The following DOCK5 variants were observed in gnomAD, a reference collection of about 807,000 sequenced individuals.
DOCK5 encodes the protein dedicator of cytokinesis protein 5.
DOCK5 carries 142 observed loss-of-function variants against 251.8 expected under a neutral mutation model. The observed-to-expected ratio is 0.56, with a 90% CI of 0.49 to 0.65. The LOEUF is 0.65. DOCK5 is among the 30% of genes least tolerant of loss of function. The pLI, the probability that DOCK5 is intolerant of heterozygous loss-of-function variation, is 0.00. For synonymous variants in DOCK5, 842 were observed against 835.5 expected, an observed-to-expected ratio of 1.01 and a Z score of -0.13; for missense variants, 2,111 against 2,312.3, an observed-to-expected ratio of 0.91 and a Z score of 1.79.
At chr8:25,290,055 G>T (rs1005164674) in intron 5 of DOCK5, among the ~76,000 whole-genome samples, 1 of 151,788 alleles carries the variant, frequency 6.6e-6, no homozygotes, top group Admixed American at 6.6e-5. Context: ...TCTCATGTGT[G>T]TATATATATT....
At chr8:25,228,031 T>C (rs7841924) in intron 1 of DOCK5, among the ~76,000 whole-genome samples, 13,021 of 152,038 alleles carry the variant, frequency 0.086, 1,515 homozygotes, top group African/African-American at 0.27. Context: ...ACCACAGACA[T>C]GCACCACCAC....
chr8:25,411,277 T>C lies in DOCK5; in HGVS notation c.5592T>C (p.Thr1864=), dbSNP rs1265100924. The C allele has an allele frequency of 6.4e-7, 1 of 1,565,710 alleles. No individual in the cohort carries two copies. ...PPKARKSGIP[T]SEPGSQ ...AGGCTCGGAAGTCTGGCATCCCTAC[T>C]TCCGAGCCTGGATCCCAGTAAGGAT... is the stretch of plus-strand genomic sequence containing the variant. Residue 1864 remains threonine, a synonymous_variant, in exon 52 of 52, where the codon ACT becomes ACC. Coordinates refer to ENST00000276440, the MANE Select transcript of DOCK5 (RefSeq NM_024940.8).
intron 26 of DOCK5, 159 bp from the exon 27 acceptor site, chr8:25,351,572 A>G (rs1458511083): frequency 1.7e-6 from 1 of 598,918 alleles, no homozygotes; most frequent in South Asian, 2.0e-5. Context: ...ATAAAGTTAT[A>G]TATTATTCTG....
chr8:25,270,157 C>T (rs2117117287), intron 3 of DOCK5, among the ~76,000 whole-genome samples: 1 of 152,266 alleles, frequency 6.6e-6, no homozygotes, highest in East Asian at 1.9e-4. Context: ...GTCCTTTTTT[C>T]TCACCTCAAG....
intron 1 of DOCK5, among the ~76,000 whole-genome samples, chr8:25,241,015 C>T (rs1164790842): frequency 6.6e-6 from 1 of 152,226 alleles, no homozygotes; most frequent in African/African-American, 2.4e-5. Flanking sequence ...GTGTGTCTCT[C>T]AGCTCTCTCT....
At chr8:25,324,290 T>C (rs530595147) in intron 17 of DOCK5, among the ~76,000 whole-genome samples, 6 of 152,312 alleles carry the variant, frequency 3.9e-5, no homozygotes. Flanking sequence ...GCATGGCACA[T>C]GGACAGGTGC....
At chr8:25,218,197 A>G (rs1802297291) in intron 1 of DOCK5, among the ~76,000 whole-genome samples, 1 of 152,152 alleles carries the variant, frequency 6.6e-6, no homozygotes, top group Non-Finnish European at 1.5e-5. Flanking sequence ...CTTCTATGAA[A>G]GTTAAACTTT....
At chr8:25,381,750 A>G (rs1172721868) in intron 39 of DOCK5, among the ~76,000 whole-genome samples, 3 of 152,204 alleles carry the variant, frequency 2.0e-5, no homozygotes, top group African/African-American at 4.8e-5. Flanking sequence ...GAGTAATGGC[A>G]TGCTAACCAT....
intron 13 of DOCK5, among the ~76,000 whole-genome samples, chr8:25,312,583 T>C (rs1410656448): frequency 1.3e-5 from 2 of 151,924 alleles, no homozygotes; most frequent in Non-Finnish European, 2.9e-5. Context: ...GCCAACATGG[T>C]GAAACCCCAT....
At chr8:25,354,635 G>A (rs1800535744) in intron 27 of DOCK5, among the ~76,000 whole-genome samples, 1 of 151,886 alleles carries the variant, frequency 6.6e-6, no homozygotes, top group Non-Finnish European at 1.5e-5. Context: ...AGCATAAGAA[G>A]GAAAAAAAGT....
intron 49 of DOCK5, 42 bp from the exon 50 acceptor site, chr8:25,408,758 CTT>C: frequency 6.2e-7 from 1 of 1,608,578 alleles, no homozygotes; most frequent in Non-Finnish European, 8.5e-7. Flanking sequence ...TGAGCTCAGC[CTT>C]CCTCACCGTG....
In DOCK5 at chr8:25,302,495, G is replaced by A. The variant is rs754719147; in HGVS notation, c.976+41G>A. On this transcript the variant is annotated intron_variant, in intron 10 of 51. Coordinates refer to ENST00000276440, the MANE Select transcript of DOCK5 (RefSeq NM_024940.8). ...AGAGACAAATGTGAAATAGTGCAGT[G>A]CTGTGGAAAATAGCATGGCGATTTC... 6 of 1,474,788 alleles carry A rather than the reference G, an allele frequency of 4.1e-6. No homozygotes were observed. The South Asian group carries it at 8.0e-5, about 20-fold the overall frequency. 91.4% of individuals were successfully genotyped at this position (1,474,788 alleles called of 1,614,324 possible). A position where few individuals can be genotyped will look rare whatever the true frequency, so the allele number is the denominator to read the frequency against.
chr8:25,238,862 G>A (rs1802867371), intron 1 of DOCK5, among the ~76,000 whole-genome samples: 1 of 152,196 alleles, frequency 6.6e-6, no homozygotes, highest in South Asian at 2.1e-4. Flanking sequence ...TTGGGACTAA[G>A]CCTGTGCCTT....
At chr8:25,383,737 C>T (rs574716281) in intron 40 of DOCK5, among the ~76,000 whole-genome samples, 1 of 152,224 alleles carries the variant, frequency 6.6e-6, no homozygotes, top group South Asian at 2.1e-4. Context: ...TGCCTGTAAT[C>T]TCAGCTACTC....
chr8:25,362,981 A>G, intron 28 of DOCK5, 66 bp from the exon 29 acceptor site: 2 of 1,221,368 alleles, frequency 1.6e-6, no homozygotes, highest in South Asian at 1.3e-5. Context: ...CTGCTTGTAT[A>G]CACGCCAGAA....
chr8:25,323,815 G>T (rs765182801), intron 16 of DOCK5, 33 bp from the exon 17 acceptor site: 10 of 1,601,588 alleles, frequency 6.2e-6, no homozygotes, highest in Non-Finnish European at 8.5e-6. Context: ...GTGTCTCTCT[G>T]CACTGCTCAG....
At chr8:25,359,718 A>G (rs2117265008) in intron 28 of DOCK5, among the ~76,000 whole-genome samples, 1 of 152,320 alleles carries the variant, frequency 6.6e-6, no homozygotes, top group East Asian at 1.9e-4. Flanking sequence ...GTTTCATCCC[A>G]AAACCATTCC....
At chr8:25,239,947 T>C (rs1166168422) in intron 1 of DOCK5, among the ~76,000 whole-genome samples, 3 of 152,174 alleles carry the variant, frequency 2.0e-5, no homozygotes, top group African/African-American at 7.2e-5. Context: ...CGTGTGCTCC[T>C]TCCTGCTCAC....
chr8:25,292,242 T>C, intron 6 of DOCK5, 70 bp downstream of exon 6: 1 of 1,431,088 alleles, frequency 7.0e-7, no homozygotes, highest in South Asian at 1.4e-5. Context: ...CTAATGACAC[T>C]GTTTGCAGCG....
Sources: allele counts gnomAD v4.1 joint callset (sites outside exome capture counted in the v4.1 genomes callset), GRCh38; gene constraint gnomAD v4.1.1; transcripts MANE v1.5; gene names NCBI Gene and HGNC (gene_info 2026-07-23, HGNC 2026-07-21).